Variants in FSIP2 observed in about 807,000 individuals in gnomAD.
FSIP2 encodes the protein fibrous sheath interacting protein 2, also known as fibrous sheath-interacting protein 2.
A neutral mutation model predicts 510.5 loss-of-function variants in FSIP2; 367 were observed. The ratio of observed to expected loss-of-function variants is 0.72; its 90% CI spans 0.66 to 0.78. FSIP2 has a LOEUF of 0.78. Ranked by LOEUF, FSIP2 falls within the 30% of genes least tolerant of loss-of-function variation. FSIP2 has a pLI of 0.00. For synonymous variants in FSIP2, 2,601 were observed against 2,732.2 expected (o/e 0.95, Z 1.50); for missense variants, 7,594 against 7,901.7 (o/e 0.96, Z 1.48).
chr2:185,803,623 A>T lies in FSIP2; in HGVS notation c.14317A>T (p.Ser4773Cys). 1 of 1,529,390 alleles carries T rather than the reference A, an allele frequency of 6.5e-7. No individual in the cohort carries two copies. Among genetic ancestry groups the T allele is most frequent in the Non-Finnish European group, 8.7e-7 (1 of 1,143,612 alleles). 94.7% of individuals were successfully genotyped at this position (1,529,390 alleles called of 1,614,324 possible). A position where few individuals can be genotyped will look rare whatever the true frequency, so the allele number is the denominator to read the frequency against. Reference protein sequence around the residue: ...VLIQRVQYDISKSRFQRQAST... With the variant: ...VLIQRVQYDICKSRFQRQAST... Reference sequence around the variant, plus strand: ...AATACAAAGAGTTCAATATGATATAAGTAAATCAAGATTCCAAAGACAAGC... The same window carrying T: ...AATACAAAGAGTTCAATATGATATATGTAAATCAAGATTCCAAAGACAAGC... Residue 4773 changes from serine to cysteine, a missense_variant, in exon 17 of 23, where the codon AGT (serine) becomes TGT (cysteine). By Grantham distance (112) the Ser-to-Cys change is moderately radical. Transcript: ENST00000424728.
rs758019230 is a variant in FSIP2 at position 185,790,922 on chromosome 2, G to A, written c.3786G>A (p.Lys1262=). 2.6e-6 allele frequency: 4 copies of A among 1,525,258 alleles called. No individual in the cohort carries two copies. In the South Asian group the frequency reaches 4.9e-5, roughly 19 times the overall value. The allele number at this position is 1,525,258 out of a possible 1,614,324, so 94.5% of individuals were successfully genotyped here. A position where few individuals can be genotyped will look rare whatever the true frequency, so the allele number is the denominator to read the frequency against. Residue 1262 remains lysine, a synonymous_variant, in exon 16 of 23, where the codon AAG becomes AAA. Coordinates refer to ENST00000424728, the MANE Select transcript of FSIP2 (RefSeq NM_173651.4). ...EPKPVDDIND[K]IIRTIFKRLK... ...AACCTGTAGATGACATTAATGATAAGATCATTCGTACAATTTTTAAAAGAC... is the reference window on the plus strand; with the variant it reads ...AACCTGTAGATGACATTAATGATAAAATCATTCGTACAATTTTTAAAAGAC...
Position 185,806,321 on chromosome 2 carries a change from C to T in FSIP2, c.17015C>T (p.Ser5672Leu), listed in dbSNP as rs918953333. ...ACGTGTAGGGATGAGGAACACCACT[C>T]AGATTATGAACATGTTCAAAATGTC... ...TQTCRDEEHH[S>L]DYEHVQNVIE... is the part of the protein sequence containing the mutation. Residue 5672 changes from serine (S) to leucine (L), a missense_variant, in exon 17 of 23, where the codon TCA becomes TTA. By Grantham distance (145) the Ser-to-Leu change is moderately radical. Coordinates refer to ENST00000424728, the MANE Select transcript of FSIP2 (RefSeq NM_173651.4). 3.1e-6 allele frequency: 5 copies of T among 1,608,572 alleles called. No individual in the cohort carries two copies. The highest frequency in any genetic ancestry group is 3.3e-4 in the Middle Eastern group (2 of 6,012).
At chr2:185,766,884 CATT>C (rs1393306001) in intron 13 of FSIP2, among the ~76,000 whole-genome samples, 1 of 123,000 alleles carries the variant, frequency 8.1e-6, no homozygotes, top group African/African-American at 3.1e-5. Flanking sequence ...TTTATTGTGG[CATT>C]ATTCACAATA....
In FSIP2 at chr2:185,796,801, A is replaced by C. The variant is rs769659518; in HGVS notation, c.9665A>C (p.Glu3222Ala). 5 of 1,535,210 alleles carry C rather than the reference A, an allele frequency of 3.3e-6. No homozygotes were observed. The highest frequency in any genetic ancestry group is 2.0e-5 in the Admixed American group (1 of 50,908). ...GTAGAAGACACAGTTAAAAACTCAG[A>C]GCCAACGAAAAGGCCTGATTCAGAA... ...SSVEDTVKNS[E>A]PTKRPDSETM... Residue 3222 changes from glutamate (E) to alanine (A), a missense_variant, in exon 16 of 23, where the codon GAG (glutamate) becomes GCG (alanine). Transcript: ENST00000424728.
At chr2:185,830,145 G>GA (rs949415620) in intron 21 of FSIP2, among the ~76,000 whole-genome samples, 28 of 151,698 alleles carry the variant, frequency 1.8e-4, no homozygotes, top group South Asian at 2.1e-4. Flanking sequence ...ACAAACAAAC[G>GA]AAAAAAATCA....
rs1693164064 is a variant in FSIP2, at chr2:185,792,598, C to T, written c.5462C>T (p.Thr1821Ile). ...PHNVDEPTPQ[T>I]SVQFMDKMMD... ...AATGTTGATGAGCCAACTCCCCAAA[C>T]ATCTGTTCAATTTATGGATAAAATG... The change falls in exon 16 of 23, where the codon ACA (threonine) becomes ATA (isoleucine). Residue 1821 changes from threonine to isoleucine, a missense_variant. By Grantham distance (89) the Thr-to-Ile change is moderately conservative. Coordinates refer to ENST00000424728, the MANE Select transcript of FSIP2 (RefSeq NM_173651.4). The T allele has an allele frequency of 1.3e-6, 2 of 1,534,144 alleles. No individual in the cohort carries two copies. The highest frequency in any genetic ancestry group is 1.7e-6 in the Non-Finnish European group (2 of 1,145,542).
rs368822933 is a variant in FSIP2 at position 185,813,834 on chromosome 2, C to T, written c.20117C>T (p.Thr6706Met). 2.2e-5 allele frequency: 36 copies of T among 1,613,534 alleles called. No homozygotes were observed. Among genetic ancestry groups the T allele is most frequent in the Middle Eastern group, 1.6e-4 (1 of 6,062 alleles). The change falls in exon 18 of 23, where the codon ACG (threonine) becomes ATG (methionine). Residue 6706 changes from threonine (T) to methionine (M), a missense_variant. Coordinates refer to ENST00000424728, the MANE Select transcript of FSIP2 (RefSeq NM_173651.4). Reference protein sequence around the residue: ...SKLSPKSTLSTSSLKKFLSLS... With the variant: ...SKLSPKSTLSMSSLKKFLSLS... ...CTTTCTCCTAAGTCAACACTAAGCA[C>T]GAGCAGCCTGAAAAAATTTTTGTCA...
In FSIP2 at chr2:185,803,337, A is replaced by G; in HGVS notation, c.14031A>G (p.Ile4677Met). ...GEFSKAQVSI[I>M]DNTEERLCLP... Reference sequence around the variant, plus strand: ...TCTCAAAAGCCCAAGTTAGCATTATAGATAATACTGAGGAAAGACTGTGTT... The same window carrying G: ...TCTCAAAAGCCCAAGTTAGCATTATGGATAATACTGAGGAAAGACTGTGTT... Residue 4677 changes from isoleucine (I) to methionine (M), a missense_variant, in exon 17 of 23, where the codon ATA becomes ATG. Transcript: ENST00000424728. 6.5e-6 allele frequency: 10 copies of G among 1,532,706 alleles called. No individual in the cohort carries two copies. Among genetic ancestry groups the G allele is most frequent in the Non-Finnish European group, 7.9e-6 (9 of 1,144,782 alleles). 94.9% of individuals were successfully genotyped at this position (1,532,706 alleles called of 1,614,324 possible). A position where few individuals can be genotyped will look rare whatever the true frequency, so the allele number is the denominator to read the frequency against.
In FSIP2 at chr2:185,808,433, C is replaced by T; in HGVS notation, c.19127C>T (p.Thr6376Ile). ...SSKDEKNLSK[T>I]ELNKIASQLS... The stretch of plus-strand genomic sequence containing the variant: ...AAAGATGAAAAAAACTTATCAAAGA[C>T]TGAGTTAAATAAAATTGCATCTCAA... Residue 6376 changes from threonine (T) to isoleucine (I), a missense_variant, in exon 17 of 23, where the codon ACT (threonine) becomes ATT (isoleucine). Transcript: ENST00000424728. The T allele has an allele frequency of 6.2e-7, 1 of 1,605,812 alleles. No homozygotes were observed. The highest frequency in any genetic ancestry group is 8.5e-7 in the Non-Finnish European group (1 of 1,177,702).
Position 185,813,838 on chromosome 2 carries a change from C to A in FSIP2, c.20121C>A (p.Ser6707Arg). 6.2e-7 allele frequency: 1 copy of A among 1,613,552 alleles called. No individual in the cohort carries two copies. ...CTCCTAAGTCAACACTAAGCACGAG[C>A]AGCCTGAAAAAATTTTTGTCACTAA... is the stretch of plus-strand genomic sequence containing the variant. The part of the protein sequence containing the change: ...KLSPKSTLST[S>R]SLKKFLSLSK... Residue 6707 changes from serine (S) to arginine (R), a missense_variant, in exon 18 of 23, where the codon AGC (serine) becomes AGA (arginine). Transcript: ENST00000424728.
In FSIP2 at chr2:185,802,297, T is replaced by C. The variant is rs1220688710; in HGVS notation, c.12991T>C (p.Leu4331=). 19 of 1,533,644 alleles carry C rather than the reference T, an allele frequency of 1.2e-5. No homozygotes were observed. Among genetic ancestry groups the C allele is most frequent in the East Asian group, 4.9e-5 (2 of 40,856 alleles). ...CCCAAAGCATAACACTGAAATTGAG[T>C]TGAAAAACATGACCCAAAGAATAGT... ...FSPKHNTEIE[L]KNMTQRIVNS... The change falls in exon 17 of 23, where the codon TTG becomes CTG. Residue 4331 remains leucine, a synonymous_variant. Transcript: ENST00000424728.
At position 185,815,437 on chromosome 2, in the gene FSIP2, T is replaced by C; in HGVS notation, c.20392T>C (p.Ser6798Pro). Residue 6798 changes from serine (S) to proline (P), a missense_variant, in exon 19 of 23, where the codon TCA becomes CCA. Transcript: ENST00000424728. ...CATACACAGAATTATGAGTTCATCT[T>C]CATACAACCAAGAAGATCTCATTTC... The part of the protein sequence containing the change: ...YFIHRIMSSS[S>P]YNQEDLISST... 1 of 1,505,100 alleles carries C rather than the reference T, an allele frequency of 6.6e-7. No individual in the cohort carries two copies. The highest frequency in any genetic ancestry group is 9.1e-7 in the Non-Finnish European group (1 of 1,096,586). 93.2% of individuals were successfully genotyped at this position (1,505,100 alleles called of 1,614,324 possible).
chr2:185,766,573 A>G (rs1343282502), intron 13 of FSIP2: 5 of 148,612 alleles, frequency 3.4e-5, no homozygotes, highest in Admixed American at 3.4e-4. Flanking sequence ...AAAAATGCTC[A>G]CCATCACTGG....
At chr2:185,782,345 A>T (rs1364723316) in intron 13 of FSIP2, among the ~76,000 whole-genome samples, 1 of 152,214 alleles carries the variant, frequency 6.6e-6, no homozygotes, top group Non-Finnish European at 1.5e-5. Flanking sequence ...GCTGAACGAG[A>T]CCTAAAATAT....
At chr2:185,787,453 G>C (rs899265019) in intron 15 of FSIP2, among the ~76,000 whole-genome samples, 2 of 151,536 alleles carry the variant, frequency 1.3e-5, no homozygotes, top group Non-Finnish European at 3.0e-5. Context: ...GACTAATTTA[G>C]GCAATATTTT....
At chr2:185,742,428 G>A (rs140809681) in intron 2 of FSIP2, among the ~76,000 whole-genome samples, 1 of 152,286 alleles carries the variant, frequency 6.6e-6, no homozygotes, top group Non-Finnish European at 1.5e-5. Flanking sequence ...GTTAATGGCT[G>A]TTGCCTAAAG....
At chr2:185,739,020 C>A in intron 1 of FSIP2, 27 bp downstream of exon 1, 1 of 1,523,926 alleles carries the variant, frequency 6.6e-7, no homozygotes, top group Non-Finnish European at 8.8e-7. Context: ...TGGGCGGCGT[C>A]GCCCTCTGGC....
rs1693534241 is a variant in FSIP2, at chr2:185,805,143, C to T, written c.15837C>T (p.Asp5279=). The change falls in exon 17 of 23, where the codon GAC becomes GAT. Residue 5279 remains aspartate, a synonymous_variant. Coordinates refer to ENST00000424728, the MANE Select transcript of FSIP2 (RefSeq NM_173651.4). Reference sequence around the variant, plus strand: ...TCTATTCAGCTACATTTTTGGAAGACATAATCATTGACCTTGTTCACAAAT... The same window carrying T: ...TCTATTCAGCTACATTTTTGGAAGATATAATCATTGACCTTGTTCACAAAT... ...PSLYSATFLE[D]IIIDLVHKFC... 4 of 1,609,594 alleles carry T rather than the reference C, an allele frequency of 2.5e-6. No homozygotes were observed. The highest frequency in any genetic ancestry group is 3.4e-6 in the Non-Finnish European group (4 of 1,177,554).
Position 185,804,303 on chromosome 2 carries a change from A to G in FSIP2, c.14997A>G (p.Ser4999=), listed in dbSNP as rs756129208. The G allele has an allele frequency of 3.6e-5, 54 of 1,517,906 alleles. 1 individual carries two copies. In the South Asian group the frequency reaches 5.7e-4, roughly 16 times the overall value. 94.0% of individuals were successfully genotyped at this position (1,517,906 alleles called of 1,614,324 possible). ...VNSIVLEFTT[S]EILVADNFDK... ...CAATTGTTCTGGAGTTCACCACATCAGAGATTTTAGTTGCAGATAACTTTG... is the reference window on the plus strand; with the variant it reads ...CAATTGTTCTGGAGTTCACCACATCGGAGATTTTAGTTGCAGATAACTTTG... The change falls in exon 17 of 23, where the codon TCA becomes TCG. Residue 4999 remains serine (S), a synonymous_variant. Coordinates refer to ENST00000424728, the MANE Select transcript of FSIP2 (RefSeq NM_173651.4).
Sources: allele counts gnomAD v4.1 joint callset (sites outside exome capture counted in the v4.1 genomes callset), GRCh38; gene constraint gnomAD v4.1.1; transcripts MANE v1.5; gene names NCBI Gene and HGNC (gene_info 2026-07-23, HGNC 2026-07-21).